The following TMIGD3 variants were observed in gnomAD, a reference collection of about 807,000 sequenced individuals.
TMIGD3 encodes AD026 protein (AD026).
Under a neutral mutation model 28.1 loss-of-function variants are expected in TMIGD3, and 21 were observed. The ratio of observed to expected loss-of-function variants is 0.75; its 90% confidence interval spans 0.53 to 1.08. The LOEUF is 1.08. TMIGD3 is among the 50% of genes least tolerant of loss of function. TMIGD3 has a pLI of 0.00. For missense variants in TMIGD3, 416 were observed against 435.6 expected (o/e 0.96, Z 0.40); for synonymous variants, 151 against 162.1 (o/e 0.93, Z 0.52).
intron 1 of TMIGD3, among the ~76,000 whole-genome samples, chr1:111,515,855 G>C (rs539001708): frequency 2.6e-5 from 4 of 152,340 alleles, no homozygotes; most frequent in African/African-American, 7.2e-5. Context: ...TCCGGGAGCC[G>C]GGGAGGCCGG....
At chr1:111,529,097 A>T (rs1656364505) in intron 1 of TMIGD3, among the ~76,000 whole-genome samples, 2 of 151,262 alleles carry the variant, frequency 1.3e-5, no homozygotes, top group South Asian at 4.2e-4. Context: ...TATTTTATTT[A>T]TTTTTTATTT....
In TMIGD3 at chr1:111,486,763, G is replaced by A. The variant is rs192879178; in HGVS notation, c.806-111C>T. 8.7e-5 allele frequency: 78 copies of A among 898,138 alleles called. No homozygotes were observed. In the African/African-American group the frequency reaches 1.0e-3, roughly 12 times the overall value. The allele number at this position is 898,138 out of a possible 1,614,324, so 55.6% of individuals were successfully genotyped here. On this transcript the variant is annotated intron_variant, in intron 3 of 5. Coordinates refer to ENST00000369716, the MANE Select transcript of TMIGD3 (RefSeq NM_020683.7). Reference sequence around the variant, plus strand: ...CTATGTCCAGAGAGTGAGTCCCCTGGTTGACTCCAGAGTAAAGCAGAGGTA... The same window carrying A: ...CTATGTCCAGAGAGTGAGTCCCCTGATTGACTCCAGAGTAAAGCAGAGGTA...
chr1:111,558,820 C>T (rs1262208480), intron 1 of TMIGD3, among the ~76,000 whole-genome samples: 1 of 152,094 alleles, frequency 6.6e-6, no homozygotes, highest in Non-Finnish European at 1.5e-5. Context: ...TCTAGCATAC[C>T]TCTTTCAGTA....
intron 1 of TMIGD3, among the ~76,000 whole-genome samples, chr1:111,536,506 C>G (rs1656643808): frequency 6.6e-6 from 1 of 152,176 alleles, no homozygotes; most frequent in South Asian, 2.1e-4. Flanking sequence ...TTGCTGTATA[C>G]TAAGTCCTAT....
At chr1:111,524,650 C>T (rs754482592) in intron 1 of TMIGD3, among the ~76,000 whole-genome samples, 1 of 151,604 alleles carries the variant, frequency 6.6e-6, no homozygotes, top group Non-Finnish European at 1.5e-5. Context: ...GACACAATTT[C>T]ACTCTGTCGC....
chr1:111,497,615 A>C (rs1654953317), intron 1 of TMIGD3, among the ~76,000 whole-genome samples: 1 of 152,226 alleles, frequency 6.6e-6, no homozygotes, highest in Non-Finnish European at 1.5e-5. Flanking sequence ...CCAGCAAGCC[A>C]TCAGTGGACT....
intron 1 of TMIGD3, among the ~76,000 whole-genome samples, chr1:111,555,687 T>C (rs11803249): frequency 0.36 from 54,448 of 151,974 alleles, 10,379 homozygotes; most frequent in Non-Finnish European, 0.44. Context: ...TTTCAACAAA[T>C]GGTGTTGGGA....
At chr1:111,536,922 A>C (rs1275594403) in intron 1 of TMIGD3, among the ~76,000 whole-genome samples, 1 of 152,162 alleles carries the variant, frequency 6.6e-6, no homozygotes, top group Non-Finnish European at 1.5e-5. Flanking sequence ...TCTCCAGTAC[A>C]TTATGTCTGG....
rs201232918 is a variant in TMIGD3 at position 111,531,905 on chromosome 1, CTTTG to C, written c.107+31937_107+31940del. On this transcript the variant is annotated intron_variant, in intron 1 of 5. Transcript: ENST00000369717. Reference sequence around the variant, plus strand: ...GGAACATAGTTATGTTACTTTTAAACTTTGTTAGGTGAAAAAGAAGTTTTAACTA... The same window carrying C: ...GGAACATAGTTATGTTACTTTTAAACTTAGGTGAAAAAGAAGTTTTAACTA... 8.3e-3 allele frequency among the ~76,000 whole-genome samples: 1,254 copies of C among 151,942 alleles called. 13 individuals carry two copies. Among genetic ancestry groups the C allele is most frequent in the South Asian group, 0.047 (227 of 4,800 alleles).
intron 1 of TMIGD3, among the ~76,000 whole-genome samples, chr1:111,548,875 G>A (rs1005056981): frequency 4.6e-5 from 7 of 152,078 alleles, no homozygotes; most frequent in Admixed American, 6.6e-5. Flanking sequence ...AATTCATGTC[G>A]CTCTGATATG....
intron 1 of TMIGD3, among the ~76,000 whole-genome samples, chr1:111,524,164 G>C (rs942445480): frequency 6.6e-6 from 1 of 150,530 alleles, no homozygotes; most frequent in African/African-American, 2.4e-5. Context: ...CAAGTAGCTG[G>C]GACTACAGGC....
At chr1:111,484,766 C>T (rs1033882572) in intron 5 of TMIGD3, among the ~76,000 whole-genome samples, 6 of 152,208 alleles carry the variant, frequency 3.9e-5, no homozygotes, top group Non-Finnish European at 5.9e-5. Flanking sequence ...TATTGTTCTT[C>T]TACATTTCCA....
intron 1 of TMIGD3, among the ~76,000 whole-genome samples, chr1:111,512,740 C>G (rs779017931): frequency 1.3e-5 from 2 of 152,218 alleles, no homozygotes; most frequent in African/African-American, 2.4e-5. Flanking sequence ...AAAGGAAAGT[C>G]ATTCCACACC....
intron 1 of TMIGD3, among the ~76,000 whole-genome samples, chr1:111,502,106 T>A (rs12126471): frequency 7.1e-5 from 2 of 28,020 alleles, no homozygotes; most frequent in South Asian, 1.0e-3. Context: ...AGATATATAT[T>A]TAATATAATA....
chr1:111,527,232 G>A (rs7527958), intron 1 of TMIGD3, among the ~76,000 whole-genome samples: 20,193 of 151,830 alleles, frequency 0.13, 1,581 homozygotes, highest in East Asian at 0.45. Flanking sequence ...GGCTGGTCTC[G>A]AACTCCTGAC....
chr1:111,539,500 G>T (rs1449179380), intron 1 of TMIGD3, among the ~76,000 whole-genome samples: 2 of 152,138 alleles, frequency 1.3e-5, no homozygotes, highest in African/African-American at 4.8e-5. Context: ...ATTTCACCGT[G>T]TTGGCCAGGA....
At chr1:111,510,642 G>A (rs950297601) in intron 1 of TMIGD3, among the ~76,000 whole-genome samples, 8 of 151,998 alleles carry the variant, frequency 5.3e-5, no homozygotes, top group Non-Finnish European at 7.4e-5. Flanking sequence ...CTTGGCTACC[G>A]GTGTTTTAAT....
At chr1:111,528,209 T>G (rs1315028877) in intron 1 of TMIGD3, among the ~76,000 whole-genome samples, 1 of 152,230 alleles carries the variant, frequency 6.6e-6, no homozygotes, top group African/African-American at 2.4e-5. Context: ...CAGATTTTAT[T>G]TTATTTTATT....
intron 1 of TMIGD3, among the ~76,000 whole-genome samples, chr1:111,491,657 G>GT (rs1309376390): frequency 6.6e-6 from 1 of 152,130 alleles, no homozygotes; most frequent in Non-Finnish European, 1.5e-5. Context: ...CATCACCTCA[G>GT]TTGCTCCTCA....
Sources: allele counts gnomAD v4.1 joint callset (sites outside exome capture counted in the v4.1 genomes callset), GRCh38; gene constraint gnomAD v4.1.1; transcripts MANE v1.5; gene names NCBI Gene and HGNC (gene_info 2026-07-23, HGNC 2026-07-21).